ADCK1: variants seen among roughly 807,000 people sequenced by gnomAD.
The protein encoded by ADCK1 is aarF domain containing kinase 1, also known as aarF domain-containing protein kinase 1.
In ADCK1, 41 loss-of-function variants were observed where a neutral mutation model predicts 52.3. The ratio of observed to expected loss-of-function variants is 0.78; its 90% confidence interval spans 0.61 to 1.02. The LOEUF is 1.02. ADCK1 is among the 50% of genes least tolerant of loss of function. The probability of loss-of-function intolerance (pLI) is 0.00; values close to 1 mark genes in which losing one functional copy is unlikely to be tolerated. For missense variants in ADCK1, 658 were observed against 679.5 expected (o/e 0.97, Z 0.35); for synonymous variants, 250 against 274.6 (o/e 0.91, Z 0.89).
intron 1 of ADCK1, among the ~76,000 whole-genome samples, chr14:77,811,028 A>G (rs1244675885): frequency 6.7e-6 from 1 of 150,150 alleles, no homozygotes; most frequent in Non-Finnish European, 1.5e-5. Context: ...GTGGAAACAA[A>G]GTAGAGGGTG....
intron 1 of ADCK1, among the ~76,000 whole-genome samples, chr14:77,806,911 C>T (rs779278667): frequency 3.0e-4 from 45 of 151,998 alleles, no homozygotes; most frequent in Non-Finnish European, 5.7e-4. Context: ...GATGGTGTTT[C>T]ACCATGTTGC....
At chr14:77,844,175 G>A (rs757360143) in intron 3 of ADCK1, among the ~76,000 whole-genome samples, 2 of 152,000 alleles carry the variant, frequency 1.3e-5, no homozygotes, top group Non-Finnish European at 2.9e-5. Context: ...CAAGCAATTG[G>A]GTTCAAGCAA....
In ADCK1 at chr14:77,925,768, T is replaced by C. The variant is rs756644459; in HGVS notation, c.1013T>C (p.Leu338Pro). Residue 338 changes from leucine (L) to proline (P), a missense_variant, in exon 9 of 11, where the codon CTC (leucine) becomes CCC (proline). By Grantham distance (98) the Leu-to-Pro change is moderately conservative. Coordinates refer to ENST00000238561, the MANE Select transcript of ADCK1 (RefSeq NM_020421.4). ...CCGCTGCCGCCTCCACCCTAGATGCTCACGGAAGAATTCCGCCTGAATTAC... is the reference window on the plus strand; with the variant it reads ...CCGCTGCCGCCTCCACCCTAGATGCCCACGGAAGAATTCCGCCTGAATTAC... ...VLLDHGLYQM[L>P]TEEFRLNYCH... 1.9e-6 allele frequency: 3 copies of C among 1,614,020 alleles called. No individual in the cohort carries two copies. The South Asian group carries it at 3.3e-5, about 18-fold the overall frequency.
chr14:77,863,401 G>A (rs377071019), intron 4 of ADCK1, among the ~76,000 whole-genome samples: 33 of 152,186 alleles, frequency 2.2e-4, no homozygotes, highest in African/African-American at 7.0e-4. Flanking sequence ...TGGAAATTAA[G>A]GGATGATCTT....
intron 3 of ADCK1, among the ~76,000 whole-genome samples, chr14:77,845,518 G>C (rs1352872245): frequency 6.6e-6 from 1 of 152,100 alleles, no homozygotes; most frequent in East Asian, 1.9e-4. Context: ...CATCTCCCGG[G>C]TTCAAACAGT....
chr14:77,834,048 G>A (rs1348624225), intron 3 of ADCK1, among the ~76,000 whole-genome samples: 2 of 152,178 alleles, frequency 1.3e-5, no homozygotes, highest in East Asian at 1.9e-4. Context: ...ATAGCCCGTG[G>A]GTACTTCCTC....
chr14:77,850,112 C>G (rs942682891), intron 3 of ADCK1, among the ~76,000 whole-genome samples: 1 of 152,162 alleles, frequency 6.6e-6, no homozygotes, highest in South Asian at 2.1e-4. Flanking sequence ...GAGGCCAAAA[C>G]AGGAAACTCC....
At chr14:77,846,464 G>C (rs1380795288) in intron 3 of ADCK1, among the ~76,000 whole-genome samples, 1 of 152,232 alleles carries the variant, frequency 6.6e-6, no homozygotes, top group Non-Finnish European at 1.5e-5. Context: ...GGCCTGGTGT[G>C]ATGGGGCTTT....
At chr14:77,813,243 C>T (rs889006339) in intron 1 of ADCK1, among the ~76,000 whole-genome samples, 1 of 151,680 alleles carries the variant, frequency 6.6e-6, no homozygotes, top group South Asian at 2.1e-4. Flanking sequence ...CTCAGGTGAT[C>T]CACCTGCCTC....
At chr14:77,901,684 C>T (rs543663603) in intron 6 of ADCK1, among the ~76,000 whole-genome samples, 121 of 152,316 alleles carry the variant, frequency 7.9e-4, no homozygotes, top group African/African-American at 2.9e-3. Flanking sequence ...GCCACCGCGG[C>T]CGGCCGGAGC....
intron 1 of ADCK1, among the ~76,000 whole-genome samples, chr14:77,807,146 G>A (rs900153941): frequency 7.8e-6 from 1 of 128,556 alleles, no homozygotes; most frequent in Non-Finnish European, 1.6e-5. Flanking sequence ...TCGGCTCACT[G>A]CAAGCTCCGC....
rs188905429 is a variant in ADCK1, at chr14:77,817,068, C to A, written c.-11-1900C>A. On this transcript the variant is annotated intron_variant, in intron 1 of 10. Transcript: ENST00000238561. The stretch of plus-strand genomic sequence containing the variant: ...ACCAGGCTAGGCAACATGGCAAAAC[C>A]CTGTCTTTACTAAAAATACAAAAAT... Among the ~76,000 whole-genome samples, 346 of 151,622 alleles carry A rather than the reference C, an allele frequency of 2.3e-3. 5 individuals are homozygous for A. In the South Asian group the frequency reaches 0.031, roughly 14 times the overall value.
At chr14:77,809,703 G>A (rs117198580) in intron 1 of ADCK1, among the ~76,000 whole-genome samples, 1 of 151,616 alleles carries the variant, frequency 6.6e-6, no homozygotes, top group African/African-American at 2.4e-5. Context: ...TAAGCTCTTT[G>A]ACTTTTGACT....
At chr14:77,804,121 G>T (rs2081168774) in intron 1 of ADCK1, among the ~76,000 whole-genome samples, 1 of 152,128 alleles carries the variant, frequency 6.6e-6, no homozygotes, top group African/African-American at 2.4e-5. Context: ...TAGTGATTAG[G>T]TTTAAGGGTT....
At chr14:77,921,326 C>CAAAAAAAAAAAAAAAAAAAAAAAAAAAAA (rs756056466) in intron 7 of ADCK1, among the ~76,000 whole-genome samples, 9 of 41,210 alleles carry the variant, frequency 2.2e-4, no homozygotes, top group African/African-American at 3.4e-4. Flanking sequence ...GACTCTGTCT[C>CAAAAAAAAAAAAAAAAAAAAAAAAAAAAA]AAAAAAAAAA....
intron 3 of ADCK1, among the ~76,000 whole-genome samples, chr14:77,848,953 G>C (rs1286623388): frequency 6.6e-6 from 1 of 152,034 alleles, no homozygotes; most frequent in African/African-American, 2.4e-5. Context: ...AGCCTCCTGA[G>C]TAGCTGGGAC....
chr14:77,863,238 A>G (rs953125416), intron 4 of ADCK1, among the ~76,000 whole-genome samples: 1 of 151,964 alleles, frequency 6.6e-6, no homozygotes, highest in Non-Finnish European at 1.5e-5. Flanking sequence ...AGATATACGG[A>G]GTGGGGTGGG....
intron 4 of ADCK1, among the ~76,000 whole-genome samples, chr14:77,881,846 T>C (rs2083032434): frequency 6.6e-6 from 1 of 152,200 alleles, no homozygotes; most frequent in South Asian, 2.1e-4. Context: ...TTGTGCCACT[T>C]GCTGTTACCG....
At chr14:77,891,357 G>A (rs2083280494) in intron 5 of ADCK1, among the ~76,000 whole-genome samples, 1 of 152,194 alleles carries the variant, frequency 6.6e-6, no homozygotes, top group Non-Finnish European at 1.5e-5. Flanking sequence ...TGGGAGACTT[G>A]GAGGATCCCA....
Sources: allele counts gnomAD v4.1 joint callset (sites outside exome capture counted in the v4.1 genomes callset), GRCh38; gene constraint gnomAD v4.1.1; transcripts MANE v1.5; gene names NCBI Gene and HGNC (gene_info 2026-07-23, HGNC 2026-07-21).